ZBTB2: variants seen among roughly 807,000 people sequenced by gnomAD.
The protein encoded by ZBTB2 is zinc finger and BTB domain-containing protein 2.
In ZBTB2, 2 loss-of-function variants were observed where a neutral mutation model predicts 39.5. The observed-to-expected ratio is 0.05, with a 90% CI of 0.02 to 0.16. ZBTB2 has a LOEUF of 0.16. ZBTB2 is among the 10% of genes least tolerant of loss of function. The pLI, the probability that ZBTB2 is intolerant of heterozygous loss-of-function variation, is 1.00. For synonymous variants in ZBTB2, 251 were observed against 256.6 expected, an observed-to-expected ratio of 0.98 and a Z score of 0.21; for missense variants, 391 against 653.0, an observed-to-expected ratio of 0.60 and a Z score of 4.37.
chr6:151,366,570 T>C lies in ZBTB2; in HGVS notation c.496A>G (p.Ile166Val). The change falls in exon 3 of 3, where the codon ATA becomes GTA. Residue 166 changes from isoleucine (I) to valine (V), a missense_variant. Transcript: ENST00000325144. The surrounding 1 kb of genome is among the most constrained non-coding windows in gnomAD (Gnocchi z 7.1). ...GRDPRPQTSR[I>V]SQEQVPEASQ... ...GCCTCAGGGACCTGCTCCTGGCTTA[T>C]CCTGGAGGTCTGTGGCCGTGGATCT... 6.2e-7 allele frequency: 1 copy of C among 1,614,106 alleles called. No homozygotes were observed. The highest frequency in any genetic ancestry group is 8.5e-7 in the Non-Finnish European group (1 of 1,180,024).
chr6:151,365,029 T>C lies in ZBTB2; in HGVS notation c.*492A>G, dbSNP rs1778612518. On this transcript the variant is annotated 3_prime_UTR_variant, in exon 3 of 3. Transcript: ENST00000325144. The surrounding 1 kb of genome is among the most constrained non-coding windows in gnomAD (Gnocchi z 5.6). ...AGGATGCATTCTGAAGTAAGACACC[T>C]GGAGGATGAATACTAAGAACGTTTT... 1 of 154,368 alleles carries C rather than the reference T, an allele frequency of 6.5e-6. No individual in the cohort carries two copies. Among genetic ancestry groups the C allele is most frequent in the African/African-American group, 2.4e-5 (1 of 41,466 alleles). 9.6% of individuals were successfully genotyped at this position (154,368 alleles called of 1,614,324 possible). A position where few individuals can be genotyped will look rare whatever the true frequency, so the allele number is the denominator to read the frequency against.
intron 2 of ZBTB2, among the ~76,000 whole-genome samples, chr6:151,368,463 T>G (rs1447874469): frequency 6.6e-6 from 1 of 151,046 alleles, no homozygotes; most frequent in African/African-American, 2.4e-5. Context: ...TGTTGTTTTT[T>G]GTTTTGTTTT....
intron 2 of ZBTB2, 113 bp downstream of exon 2, chr6:151,373,349 GAGC>G (rs1562766230): frequency 1.7e-6 from 2 of 1,147,040 alleles, no homozygotes; most frequent in East Asian, 2.4e-5. Flanking sequence ...GGCCACAAGG[GAGC>G]AGGTCACCTA....
At position 151,366,855 on chromosome 6, in the gene ZBTB2, C is replaced by T; in HGVS notation, c.211G>A (p.Asp71Asn). ...AAGTGTAAGAGATAGCTGAAGATGT[C>T]GGGCTGTATGTCAGTTGGTTTCAAG... Reference protein sequence around the residue: ...VRLKPTDIQPDIFSYLLHLMY... With the variant: ...VRLKPTDIQPNIFSYLLHLMY... The change falls in exon 3 of 3, where the codon GAC becomes AAC. Residue 71 changes from aspartate (D) to asparagine (N), a missense_variant. By Grantham distance (23) the Asp-to-Asn change is conservative. Coordinates refer to ENST00000325144, the MANE Select transcript of ZBTB2 (RefSeq NM_020861.3). This position sits in a 1 kb window ranked among gnomAD's most constrained non-coding sequence, Gnocchi z 7.1. The T allele has an allele frequency of 6.2e-7, 1 of 1,612,890 alleles. No individual in the cohort carries two copies. The highest frequency in any genetic ancestry group is 8.5e-7 in the Non-Finnish European group (1 of 1,179,262).
At chr6:151,372,266 G>A (rs989943068) in intron 2 of ZBTB2, among the ~76,000 whole-genome samples, 1 of 152,178 alleles carries the variant, frequency 6.6e-6, no homozygotes, top group South Asian at 2.1e-4. Flanking sequence ...GCTGAGAGAA[G>A]GGCAGTGGTT....
In ZBTB2 at chr6:151,373,608, T is replaced by G; in HGVS notation, c.30A>C (p.Leu10=). The change falls in exon 2 of 3, where the codon CTA becomes CTC. Residue 10 remains leucine (L), a synonymous_variant. Transcript: ENST00000325144. The part of the protein sequence containing the change: MDLANHGLI[L]LQQLNAQREF... ...CTCGCTGAGCGTTTAACTGTTGCAGTAGAATAAGTCCATGGTTGGCCAAAT... is the reference window on the plus strand; with the variant it reads ...CTCGCTGAGCGTTTAACTGTTGCAGGAGAATAAGTCCATGGTTGGCCAAAT... 1.9e-6 allele frequency: 3 copies of G among 1,614,118 alleles called. No homozygotes were observed. The highest frequency in any genetic ancestry group is 2.5e-6 in the Non-Finnish European group (3 of 1,180,020).
At chr6:151,385,005 TA>T (rs1391275284) in intron 1 of ZBTB2, among the ~76,000 whole-genome samples, 1 of 151,886 alleles carries the variant, frequency 6.6e-6, no homozygotes, top group Admixed American at 6.6e-5. Context: ...AAGACCTATG[TA>T]AAATCCCTAA....
intron 1 of ZBTB2, among the ~76,000 whole-genome samples, chr6:151,385,894 T>C (rs1191692964): frequency 1.3e-5 from 2 of 152,210 alleles, no homozygotes; most frequent in South Asian, 2.1e-4. Flanking sequence ...TCTTATTTAG[T>C]TGTGATAATG....
chr6:151,389,209 C>G (rs1386996266), intron 1 of ZBTB2, among the ~76,000 whole-genome samples: 1 of 152,070 alleles, frequency 6.6e-6, no homozygotes, highest in Non-Finnish European at 1.5e-5. Context: ...ATCACTTGAG[C>G]CCAGAAGTTC....
In ZBTB2 at chr6:151,373,509, A is replaced by C. The variant is rs1778831424; in HGVS notation, c.129T>G (p.Ala43=). Residue 43 remains alanine, a synonymous_variant, in exon 2 of 3, where the codon GCT becomes GCG. Transcript: ENST00000325144. ...VYFKAHKSVL[A]SFSNYFKMLF... Reference sequence around the variant, plus strand: ...ACATCTTAAAGTAATTGGAGAATGAAGCAAGAACTGATTTGTGTGCCTTGA... The same window carrying C: ...ACATCTTAAAGTAATTGGAGAATGACGCAAGAACTGATTTGTGTGCCTTGA... The C allele has an allele frequency of 2.5e-6, 4 of 1,614,224 alleles. No homozygotes were observed. The East Asian group carries it at 8.9e-5, about 36-fold the overall frequency.
chr6:151,368,943 A>G (rs1471138319), intron 2 of ZBTB2, among the ~76,000 whole-genome samples: 1 of 150,028 alleles, frequency 6.7e-6, no homozygotes, highest in African/African-American at 2.5e-5. Flanking sequence ...TATTTTTTTT[A>G]GTAGAGACAG....
intron 1 of ZBTB2, among the ~76,000 whole-genome samples, chr6:151,375,651 G>A (rs187496506): frequency 1.6e-4 from 25 of 152,264 alleles, no homozygotes; most frequent in Admixed American, 1.4e-3. Flanking sequence ...CCATCTCCTG[G>A]GTTCAAGCAA....
chr6:151,374,335 A>G (rs1050480769), intron 1 of ZBTB2, among the ~76,000 whole-genome samples: 2 of 152,206 alleles, frequency 1.3e-5, no homozygotes, highest in African/African-American at 2.4e-5. Flanking sequence ...CTTGAGAAGT[A>G]TAAGTAATTT....
intron 2 of ZBTB2, among the ~76,000 whole-genome samples, chr6:151,370,739 T>C (rs1198960103): frequency 6.6e-6 from 1 of 152,108 alleles, no homozygotes; most frequent in Non-Finnish European, 1.5e-5. Flanking sequence ...CAGGCAGCAG[T>C]GTGTCATGCC....
Position 151,365,511 on chromosome 6 carries a change from T to C in ZBTB2, c.*10A>G, listed in dbSNP as rs1487511657. The C allele has an allele frequency of 1.3e-6, 2 of 1,583,144 alleles. No homozygotes were observed. The highest frequency in any genetic ancestry group is 8.6e-7 in the Non-Finnish European group (1 of 1,167,010). On this transcript the variant is annotated 3_prime_UTR_variant, in exon 3 of 3. Coordinates refer to ENST00000325144, the MANE Select transcript of ZBTB2 (RefSeq NM_020861.3). The surrounding 1 kb of genome is among the most constrained non-coding windows in gnomAD (Gnocchi z 5.6). Reference sequence around the variant, plus strand: ...TAAAAATGAGAGTTTTTTAAAAAGATAAGTGACATTCAGTCTAGTAAGACG... The same window carrying C: ...TAAAAATGAGAGTTTTTTAAAAAGACAAGTGACATTCAGTCTAGTAAGACG...
Position 151,366,438 on chromosome 6 carries a change from G to A in ZBTB2, c.628C>T (p.Pro210Ser). 6.2e-7 allele frequency: 1 copy of A among 1,614,122 alleles called. No individual in the cohort carries two copies. The highest frequency in any genetic ancestry group is 8.5e-7 in the Non-Finnish European group (1 of 1,180,010). ...TSLSPELVSTPVPPPPPGEET... is the reference protein window; with the variant it reads ...TSLSPELVSTSVPPPPPGEET... ...TCCCCGGGAGGAGGGGGAGGAACAG[G>A]AGTGGAAACAAGTTCTGGAGACAGC... Residue 210 changes from proline to serine, a missense_variant, in exon 3 of 3, where the codon CCT becomes TCT. Transcript: ENST00000325144. The surrounding 1 kb of genome is among the most constrained non-coding windows in gnomAD (Gnocchi z 7.1).
chr6:151,389,079 C>A (rs1379461685), intron 1 of ZBTB2, among the ~76,000 whole-genome samples: 1 of 152,132 alleles, frequency 6.6e-6, no homozygotes, highest in Non-Finnish European at 1.5e-5. Context: ...ATGAGAAATG[C>A]CCAGTTTAAA....
At chr6:151,376,526 T>C (rs573718452) in intron 1 of ZBTB2, among the ~76,000 whole-genome samples, 1 of 151,840 alleles carries the variant, frequency 6.6e-6, no homozygotes, top group South Asian at 2.1e-4. Context: ...AATCAGAAAA[T>C]ATGTAATAGA....
chr6:151,368,325 A>G (rs1159787814), intron 2 of ZBTB2, among the ~76,000 whole-genome samples: 3 of 151,670 alleles, frequency 2.0e-5, no homozygotes, highest in South Asian at 4.2e-4. Context: ...TTCTTTTTGT[A>G]TTTTTAGTAG....
Sources: allele counts gnomAD v4.1 joint callset (sites outside exome capture counted in the v4.1 genomes callset), GRCh38; gene constraint gnomAD v4.1.1; non-coding constraint Gnocchi (gnomAD v3.1); transcripts MANE v1.5; gene names NCBI Gene and HGNC (gene_info 2026-07-23, HGNC 2026-07-21).